Variants in CHD9 observed in about 807,000 individuals in gnomAD.
The protein encoded by CHD9 is ATP-dependent chromatin remodeler CHD9.
CHD9 carries 77 observed loss-of-function variants against 316.1 expected under a neutral mutation model. That is an observed-to-expected ratio of 0.24 (90% CI 0.20 to 0.29). The LOEUF (loss-of-function observed/expected upper bound fraction) is 0.29. CHD9 is among the 10% of genes least tolerant of loss of function. The pLI, the probability that CHD9 is intolerant of heterozygous loss-of-function variation, is 1.00. For missense variants in CHD9, 2,763 were observed against 3,438.1 expected, an observed-to-expected ratio of 0.80 and a Z score of 4.91; for synonymous variants, 1,129 against 1,158.3, an observed-to-expected ratio of 0.97 and a Z score of 0.51.
chr16:53,280,565 G>T (rs1315358712), intron 24 of CHD9, among the ~76,000 whole-genome samples: 1 of 151,918 alleles, frequency 6.6e-6, no homozygotes, highest in Non-Finnish European at 1.5e-5. Context: ...TACAAATTGG[G>T]TGCGGTGTAT....
chr16:53,302,239 A>T (rs946788393), intron 30 of CHD9, among the ~76,000 whole-genome samples: 1 of 152,148 alleles, frequency 6.6e-6, no homozygotes, highest in African/African-American at 2.4e-5. Flanking sequence ...CTTTCTCGTT[A>T]GCTTCCTGCA....
intron 2 of CHD9, among the ~76,000 whole-genome samples, chr16:53,206,752 C>T (rs959203340): frequency 3.3e-5 from 5 of 152,152 alleles, no homozygotes; most frequent in Admixed American, 6.5e-5. Context: ...TAATTGTTTG[C>T]TCTCTCAGTT....
chr16:53,231,961 G>A (rs1597547965), intron 10 of CHD9, among the ~76,000 whole-genome samples, 177 bp downstream of exon 10: 2 of 152,298 alleles, frequency 1.3e-5, no homozygotes, highest in South Asian at 4.1e-4. Context: ...AAAGACAGGA[G>A]CAGATTCCTT....
chr16:53,239,857 T>C (rs2048942660), intron 12 of CHD9, among the ~76,000 whole-genome samples: 1 of 152,132 alleles, frequency 6.6e-6, no homozygotes, highest in Non-Finnish European at 1.5e-5. Context: ...CTAATTAAGA[T>C]ATCATGGACT....
At chr16:53,146,415 G>GTGTATATATATATATATATATATATATA (rs1224485632) in intron 1 of CHD9, among the ~76,000 whole-genome samples, 4 of 64,426 alleles carry the variant, frequency 6.2e-5, no homozygotes, top group Non-Finnish European at 8.8e-5. Flanking sequence ...GTGTGTGTGT[G>GTGTATATATATATATATATATATATATA]TATGTATATA....
chr16:53,125,518 G>A (rs1020373499), intron 1 of CHD9, among the ~76,000 whole-genome samples: 2 of 152,216 alleles, frequency 1.3e-5, no homozygotes, highest in African/African-American at 4.8e-5. Context: ...TTACAGGCAT[G>A]AGCCACTGCG....
At chr16:53,258,114 A>G (rs2050767317) in intron 19 of CHD9, among the ~76,000 whole-genome samples, 1 of 152,172 alleles carries the variant, frequency 6.6e-6, no homozygotes, top group Non-Finnish European at 1.5e-5. Context: ...CATGTTAATG[A>G]TAATGATCAT....
At chr16:53,283,191 G>A (rs1026717746) in intron 24 of CHD9, among the ~76,000 whole-genome samples, 1 of 152,140 alleles carries the variant, frequency 6.6e-6, no homozygotes, top group African/African-American at 2.4e-5. Flanking sequence ...CACATAACCA[G>A]AGTACCCTGC....
intron 17 of CHD9, 91 bp from the exon 18 acceptor site, chr16:53,254,347 A>T (rs1233005954): frequency 1.1e-6 from 1 of 881,006 alleles, no homozygotes; most frequent in Non-Finnish European, 1.6e-6. Context: ...TGGTCTAAGA[A>T]TTCTTGTATG....
intron 2 of CHD9, among the ~76,000 whole-genome samples, chr16:53,201,654 G>A (rs1352984835): frequency 6.6e-6 from 1 of 152,050 alleles, no homozygotes; most frequent in Non-Finnish European, 1.5e-5. Flanking sequence ...TGACACAGAA[G>A]TAGAATATCC....
chr16:53,273,689 T>A lies in CHD9; in HGVS notation c.4781T>A (p.Phe1594Tyr), dbSNP rs779000489. The change falls in exon 23 of 39, where the codon TTT (phenylalanine) becomes TAT (tyrosine). Residue 1594 changes from phenylalanine (F) to tyrosine (Y), a missense_variant. By Grantham distance (22) the Phe-to-Tyr change is conservative. Around this residue, in one of 15 missense-constraint regions of CHD9, gnomAD observed 99 missense variants for 131.6 expected, o/e 0.75. Coordinates refer to ENST00000447540, the MANE Select transcript of CHD9 (RefSeq NM_001308319.2). ...GKKVKTQTSSFDIQKAEWLRK... is the reference protein window; with the variant it reads ...GKKVKTQTSSYDIQKAEWLRK... ...AAAGTAAAAACTCAAACAAGCTCAT[T>A]TGATATACAAAAAGCAGAATGGCTT... 6.2e-7 allele frequency: 1 copy of A among 1,613,328 alleles called. No homozygotes were observed. The highest frequency in any genetic ancestry group is 1.1e-5 in the South Asian group (1 of 91,036).
chr16:53,185,402 T>G (rs186567007), intron 2 of CHD9, among the ~76,000 whole-genome samples: 10 of 152,260 alleles, frequency 6.6e-5, no homozygotes, highest in Admixed American at 2.0e-4. Flanking sequence ...AACTTTGTAC[T>G]TGAGAGAGAT....
chr16:53,133,067 T>C (rs1291627168), intron 1 of CHD9, among the ~76,000 whole-genome samples: 1 of 152,140 alleles, frequency 6.6e-6, no homozygotes, highest in Non-Finnish European at 1.5e-5. Flanking sequence ...TCCTATAAAC[T>C]ATAGACCATA....
intron 11 of CHD9, among the ~76,000 whole-genome samples, chr16:53,238,004 T>C (rs1332061938): frequency 6.6e-6 from 1 of 152,182 alleles, no homozygotes; most frequent in African/African-American, 2.4e-5. Context: ...TTTATTTCTT[T>C]TGTATCCCAT....
intron 27 of CHD9, among the ~76,000 whole-genome samples, chr16:53,290,390 C>T (rs2153050817): frequency 6.6e-6 from 1 of 152,292 alleles, no homozygotes; most frequent in South Asian, 2.1e-4. Context: ...TCTACAGTGT[C>T]TCTCTGGTTT....
intron 1 of CHD9, among the ~76,000 whole-genome samples, chr16:53,143,646 C>G (rs928447373): frequency 6.6e-6 from 1 of 152,060 alleles, no homozygotes; most frequent in African/African-American, 2.4e-5. Flanking sequence ...CTTGGCCTCC[C>G]AAAGTGCTAG....
intron 2 of CHD9, among the ~76,000 whole-genome samples, chr16:53,196,427 C>T (rs1243175856): frequency 6.6e-6 from 1 of 152,110 alleles, no homozygotes; most frequent in East Asian, 1.9e-4. Flanking sequence ...GCCACATAGC[C>T]TGTGGTATTC....
At chr16:53,081,826 A>G (rs1774902211) in intron 1 of CHD9, among the ~76,000 whole-genome samples, 1 of 139,196 alleles carries the variant, frequency 7.2e-6, no homozygotes, top group African/African-American at 2.7e-5. Context: ...ATCTGTTTAT[A>G]TTTGTCAAGT....
chr16:53,090,141 A>G (rs2035809711), intron 1 of CHD9, among the ~76,000 whole-genome samples: 1 of 152,182 alleles, frequency 6.6e-6, no homozygotes, highest in Non-Finnish European at 1.5e-5. Flanking sequence ...GAGTCTTCCA[A>G]AAACCGGAGT....
Sources: gnomAD v4.1 joint callset for allele counts (sites outside exome capture counted in the v4.1 genomes callset) on GRCh38, gnomAD v4.1.1 for gene constraint, gnomAD v4.1.1 regional missense constraint, MANE v1.5 for transcripts, NCBI Gene and HGNC (gene_info 2026-07-23, HGNC 2026-07-21) for gene names.